The following TACC2 variants were observed in gnomAD, a reference collection of about 807,000 sequenced individuals.
TACC2 encodes transforming acidic coiled-coil containing protein 2, also known as transforming acidic coiled-coil-containing protein 2.
TACC2 carries 137 observed loss-of-function variants against 227.3 expected under a neutral mutation model. The ratio of observed to expected loss-of-function variants is 0.60; its 90% CI spans 0.52 to 0.69. The LOEUF (loss-of-function observed/expected upper bound fraction) is 0.69. Among genes scored for constraint, TACC2 ranks in the 30% least tolerant of loss-of-function variants. TACC2 has a pLI of 0.00. For synonymous variants in TACC2, 1,523 were observed against 1,487.5 expected (o/e 1.02, Z -0.55); for missense variants, 3,470 against 3,694.4 (o/e 0.94, Z 1.57).
intron 2 of TACC2, among the ~76,000 whole-genome samples, chr10:122,044,582 C>T (rs902494221): frequency 5.9e-5 from 9 of 152,152 alleles, no homozygotes; most frequent in African/African-American, 7.2e-5. Context: ...ACACTCTGGT[C>T]ATGATCTAAC....
intron 1 of TACC2, among the ~76,000 whole-genome samples, chr10:121,997,230 A>G (rs575650089): frequency 1.3e-5 from 2 of 152,294 alleles, no homozygotes; most frequent in South Asian, 4.1e-4. Flanking sequence ...TGTTGAGCAG[A>G]CATAGTTCTG....
intron 2 of TACC2, among the ~76,000 whole-genome samples, chr10:122,042,204 C>G (rs573801970): frequency 9.2e-5 from 14 of 152,074 alleles, no homozygotes; most frequent in Admixed American, 2.0e-4. Flanking sequence ...CTCAGCCTTC[C>G]AAAGTGCTGG....
At chr10:122,247,384 TC>T (rs1188084398) in intron 19 of TACC2, 1 of 152,114 alleles carries the variant, frequency 6.6e-6, no homozygotes, top group Non-Finnish European at 1.5e-5. Flanking sequence ...TCTGCTGAGC[TC>T]CTTCCCCAGG....
chr10:122,235,016 A>G (rs2141558125), intron 16 of TACC2, among the ~76,000 whole-genome samples: 1 of 152,318 alleles, frequency 6.6e-6, no homozygotes, highest in African/African-American at 2.4e-5. Flanking sequence ...TTTATTGCTC[A>G]TTAAAAAAAA....
At chr10:122,082,575 G>A in intron 3 of TACC2, 72 bp from the exon 4 acceptor site, 2 of 1,522,132 alleles carry the variant, frequency 1.3e-6, no homozygotes, top group Non-Finnish European at 1.8e-6. Flanking sequence ...GGTGGGTTGG[G>A]GGGTGACCTG....
At chr10:122,016,391 AC>A (rs1956634622) in intron 1 of TACC2, among the ~76,000 whole-genome samples, 3 of 151,888 alleles carry the variant, frequency 2.0e-5, no homozygotes, top group Admixed American at 2.0e-4. Flanking sequence ...ACATGGCGAA[AC>A]CCCGTCTCTA....
chr10:122,017,991 GTTTTA>G (rs1452825278), intron 1 of TACC2, among the ~76,000 whole-genome samples: 1 of 127,946 alleles, frequency 7.8e-6, no homozygotes, highest in Admixed American at 8.6e-5. Flanking sequence ...GACCTCATTC[GTTTTA>G]TTTATTTATT....
intron 1 of TACC2, among the ~76,000 whole-genome samples, chr10:122,018,729 C>A (rs1190850333): frequency 6.6e-6 from 1 of 152,180 alleles, no homozygotes. Context: ...CATTCCTTTT[C>A]ATGTCTGAAG....
intron 5 of TACC2, among the ~76,000 whole-genome samples, chr10:122,098,042 G>T (rs369854975): frequency 6.6e-6 from 1 of 152,126 alleles, no homozygotes; most frequent in African/African-American, 2.4e-5. Flanking sequence ...GGTTAGGTGG[G>T]TAGGTAGGTA....
chr10:122,063,201 T>C (rs2077024701), intron 3 of TACC2, among the ~76,000 whole-genome samples: 1 of 152,222 alleles, frequency 6.6e-6, no homozygotes, highest in Admixed American at 6.5e-5. Context: ...CTAAGCTGTG[T>C]TTTGCACATC....
In TACC2 at chr10:122,254,055, A is replaced by C. The variant is rs771233836; in HGVS notation, c.8846A>C (p.Ter2949SerextTer2). Residue 2949 changes from the stop codon to serine (S), a stop_lost, in exon 23 of 23, where the codon TAA becomes TCA. Transcript: ENST00000369005. ...DELIAKMGKS* is the reference protein window; with the variant it reads ...DELIAKMGKSS ...CTGATTGCCAAAATGGGGAAAAGCT[A>C]ACTCTGAACCGAATGTTTTGGACTT... The C allele has an allele frequency of 4.3e-6, 7 of 1,614,020 alleles. No homozygotes were observed. In the Admixed American group the frequency reaches 8.3e-5, roughly 19 times the overall value.
intron 5 of TACC2, among the ~76,000 whole-genome samples, chr10:122,102,499 A>G (rs979550777): frequency 1.9e-4 from 29 of 152,090 alleles, no homozygotes; most frequent in African/African-American, 6.8e-4. Context: ...CAAATAGTTT[A>G]TTTTTCACCT....
At chr10:122,105,631 T>G (rs1028982113) in intron 5 of TACC2, among the ~76,000 whole-genome samples, 31 of 151,864 alleles carry the variant, frequency 2.0e-4, no homozygotes, top group Non-Finnish European at 4.6e-4. Flanking sequence ...ACACTTTTTT[T>G]TTTTTTGAGA....
chr10:122,041,669 ACTC>A (rs2074289918), intron 2 of TACC2, among the ~76,000 whole-genome samples: 1 of 151,836 alleles, frequency 6.6e-6, no homozygotes. Context: ...CCAGGCTCGA[ACTC>A]CTGAGTTCAG....
At chr10:122,135,418 C>T (rs2089409157) in intron 6 of TACC2, among the ~76,000 whole-genome samples, 1 of 152,196 alleles carries the variant, frequency 6.6e-6, no homozygotes, top group Non-Finnish European at 1.5e-5. Flanking sequence ...AGTTTCATGG[C>T]CTTATCTCCT....
chr10:122,248,651 C>G lies in TACC2; in HGVS notation c.8401C>G (p.Gln2801Glu). The change falls in exon 20 of 23, where the codon CAG becomes GAG. Residue 2801 changes from glutamine to glutamate, a missense_variant. By Grantham distance (29) the Gln-to-Glu change is conservative. Transcript: ENST00000369005. ...KTIAQMIEDE[Q>E]REKSVSHQTV... is the part of the protein sequence containing the mutation. ...CTGGTCTCTCCTGCCAGAGGACGAA[C>G]AGAGAGAGAAGTCAGTCTCCCACCA... is the stretch of plus-strand genomic sequence containing the variant. The G allele has an allele frequency of 1.2e-6, 2 of 1,613,180 alleles. No individual in the cohort carries two copies. Among genetic ancestry groups the G allele is most frequent in the Non-Finnish European group, 1.7e-6 (2 of 1,180,036 alleles).
At chr10:122,062,258 C>T (rs991673736) in intron 3 of TACC2, among the ~76,000 whole-genome samples, 2 of 151,918 alleles carry the variant, frequency 1.3e-5, no homozygotes, top group African/African-American at 4.8e-5. Flanking sequence ...TGGTCTCAAT[C>T]TCCTGACCTT....
Position 122,082,820 on chromosome 10 carries a change from C to T in TACC2, c.320C>T (p.Pro107Leu). 2 of 1,613,752 alleles carry T rather than the reference C, an allele frequency of 1.2e-6. No homozygotes were observed. The highest frequency in any genetic ancestry group is 1.7e-6 in the Non-Finnish European group (2 of 1,180,026). ...SPPPSQEREH[P>L]SSSMPFAECP... ...CCACCGTCCCAGGAGCGAGAGCACC[C>T]CTCGTCCTCCATGCCCTTTGCCGAG... Residue 107 changes from proline to leucine, a missense_variant, in exon 4 of 23, where the codon CCC becomes CTC. Coordinates refer to ENST00000369005, the MANE Select transcript of TACC2 (RefSeq NM_206862.4).
chr10:122,252,848 C>T (rs542494441), intron 22 of TACC2, among the ~76,000 whole-genome samples: 3 of 152,282 alleles, frequency 2.0e-5, no homozygotes, highest in East Asian at 1.9e-4. Flanking sequence ...AGAGCCCCAT[C>T]GTCCAGCTGG....
Sources: allele counts gnomAD v4.1 joint callset (sites outside exome capture counted in the v4.1 genomes callset), GRCh38; gene constraint gnomAD v4.1.1; transcripts MANE v1.5; gene names NCBI Gene and HGNC (gene_info 2026-07-23, HGNC 2026-07-21).